ZPBP: variants seen among roughly 807,000 people sequenced by gnomAD.
ZPBP encodes zona pellucida binding protein.
ZPBP carries 26 observed loss-of-function variants against 44.8 expected under a neutral mutation model. The ratio of observed to expected loss-of-function variants is 0.58; its 90% CI spans 0.43 to 0.81. The LOEUF is 0.81. Ranked by LOEUF, ZPBP falls within the 30% of genes least tolerant of loss-of-function variation. The pLI is 0.00. For missense variants in ZPBP, 409 were observed against 434.0 expected (o/e 0.94, Z 0.51); for synonymous variants, 174 against 153.2 (o/e 1.14, Z -1.00).
intron 2 of ZPBP, among the ~76,000 whole-genome samples, chr7:49,858,390 T>C (rs1255806155): frequency 6.6e-6 from 1 of 151,936 alleles, no homozygotes; most frequent in Non-Finnish European, 1.5e-5. Context: ...AAAGGATGAG[T>C]TCATGTCCTT....
chr7:49,858,278 C>A (rs1790506344), intron 2 of ZPBP, among the ~76,000 whole-genome samples: 1 of 152,004 alleles, frequency 6.6e-6, no homozygotes, highest in African/African-American at 2.4e-5. Flanking sequence ...TGGCACTATT[C>A]ACAATAGCAA....
chr7:50,014,221 C>T (rs1279975576), intron 6 of ZPBP, among the ~76,000 whole-genome samples: 1 of 151,940 alleles, frequency 6.6e-6, no homozygotes. Flanking sequence ...CCAATCCTAA[C>T]CCAAGCAGTC....
chr7:49,981,622 T>TATTATATAATTA (rs1562820285), intron 7 of ZPBP, among the ~76,000 whole-genome samples: 2 of 9,534 alleles, frequency 2.1e-4, no homozygotes, highest in African/African-American at 1.0e-3. Flanking sequence ...TTATATTATA[T>TATTATATAATTA]TATATTATAT....
rs1421087190 is a variant in ZPBP at position 50,041,985 on chromosome 7, C to T, written c.488-10675G>A. ...CAGTTTAGAAAAAAACATAAATGAC[C>T]TGATGGAGCTAAAAACCACAGCATG... On this transcript the variant is annotated intron_variant, in intron 4 of 7. Coordinates refer to ENST00000046087, the MANE Select transcript of ZPBP (RefSeq NM_007009.3). 4.6e-5 allele frequency among the ~76,000 whole-genome samples: 7 copies of T among 152,064 alleles called. No individual in the cohort carries two copies. In the East Asian group the frequency reaches 1.2e-3, roughly 25 times the overall value.
At chr7:50,058,437 C>A (rs978815531) in intron 3 of ZPBP, among the ~76,000 whole-genome samples, 1 of 152,122 alleles carries the variant, frequency 6.6e-6, no homozygotes, top group Non-Finnish European at 1.5e-5. Context: ...GAACTGGGCA[C>A]TATCAGAAAT....
At chr7:49,862,722 A>G (rs1293009614) in intron 2 of ZPBP, among the ~76,000 whole-genome samples, 2 of 149,292 alleles carry the variant, frequency 1.3e-5, no homozygotes, top group Non-Finnish European at 1.5e-5. Flanking sequence ...TGAGATGACC[A>G]TGAGTTTTTT....
At chr7:49,854,085 G>A (rs1489343311) in intron 2 of ZPBP, among the ~76,000 whole-genome samples, 1 of 152,002 alleles carries the variant, frequency 6.6e-6, no homozygotes, top group Non-Finnish European at 1.5e-5. Flanking sequence ...TGGTGTATAT[G>A]TGCCACATTT....
chr7:49,901,959 G>T (rs1452527353), intron 1 of ZPBP, among the ~76,000 whole-genome samples: 1 of 151,750 alleles, frequency 6.6e-6, no homozygotes, highest in Non-Finnish European at 1.5e-5. Context: ...TTCAACGAAT[G>T]GTACTGGAAC....
At chr7:49,950,076 T>C (rs1795272403) in intron 7 of ZPBP, among the ~76,000 whole-genome samples, 1 of 151,934 alleles carries the variant, frequency 6.6e-6, no homozygotes, top group Non-Finnish European at 1.5e-5. Flanking sequence ...CTGTGTGTCA[T>C]AGCAAAAAAC....
chr7:49,908,111 G>A (rs1420837782), intron 1 of ZPBP, among the ~76,000 whole-genome samples: 1 of 152,224 alleles, frequency 6.6e-6, no homozygotes. Flanking sequence ...AGGGACCACT[G>A]TCTGTCATGT....
chr7:49,935,460 G>A (rs190453424), downstream of ZPBP, among the ~76,000 whole-genome samples: 8 of 152,062 alleles, frequency 5.3e-5, no homozygotes, highest in South Asian at 4.2e-4. Flanking sequence ...GTGCAGTGGC[G>A]TGATCTCAGC....
intron 6 of ZPBP, among the ~76,000 whole-genome samples, chr7:49,989,242 T>G (rs1032941076): frequency 6.6e-6 from 1 of 152,140 alleles, no homozygotes; most frequent in Admixed American, 6.5e-5. Flanking sequence ...GCCTCATACC[T>G]TGTGTACACA....
At position 49,983,504 on chromosome 7, in the gene ZPBP, CTA is replaced by C. The variant is rs1797120170; in HGVS notation, c.797_798del (p.Ile266ArgfsTer5). On this transcript the variant is annotated frameshift_variant, in exon 7 of 8. Transcript: ENST00000046087. LOFTEE classifies it high-confidence loss of function. ...TCTACTTGTTGATTAAAAAATCTCT[CTA>C]TGAGATTTTTAGCCTAAAACATAAA... ...YKRLFKAKNL[I>X]ERFFNQQVEI... 2 of 1,597,490 alleles carry C rather than the reference CTA, an allele frequency of 1.3e-6. No individual in the cohort carries two copies. The highest frequency in any genetic ancestry group is 1.3e-5 in the African/African-American group (1 of 74,438).
chr7:49,938,613 A>G (rs1404086961), intron 7 of ZPBP, among the ~76,000 whole-genome samples: 1 of 152,218 alleles, frequency 6.6e-6, no homozygotes, highest in African/African-American at 2.4e-5. Context: ...ACTCAGGAAC[A>G]CTGCCTCTAC....
chr7:50,052,886 G>A (rs1329102775), intron 4 of ZPBP, among the ~76,000 whole-genome samples: 2 of 152,118 alleles, frequency 1.3e-5, no homozygotes, highest in African/African-American at 2.4e-5. Flanking sequence ...CTTTTGAAAC[G>A]ACAATACAGA....
At chr7:50,042,046 AAATC>A (rs1356056972) in intron 4 of ZPBP, among the ~76,000 whole-genome samples, 1 of 152,174 alleles carries the variant, frequency 6.6e-6, no homozygotes, top group African/African-American at 2.4e-5. Flanking sequence ...ATCAATAGCC[AAATC>A]AATCAAGCAA....
At chr7:49,931,798 G>C (rs1417749519) in intron 1 of ZPBP, among the ~76,000 whole-genome samples, 1 of 152,174 alleles carries the variant, frequency 6.6e-6, no homozygotes, top group African/African-American at 2.4e-5. Flanking sequence ...CCCATCACAG[G>C]CCTGGAGGCC....
At chr7:49,850,107 G>A (rs1341105186), downstream of ZPBP, among the ~76,000 whole-genome samples, 1 of 152,134 alleles carries the variant, frequency 6.6e-6, no homozygotes, top group Non-Finnish European at 1.5e-5. Context: ...ACCAAGCCTA[G>A]CACATAGCAT....
At chr7:49,871,451 C>T (rs1053944191) in intron 2 of ZPBP, among the ~76,000 whole-genome samples, 4 of 152,070 alleles carry the variant, frequency 2.6e-5, no homozygotes, top group Non-Finnish European at 5.9e-5. Flanking sequence ...ATACTGTATA[C>T]ATTCATGAGC....
Sources: gnomAD v4.1 joint callset for allele counts (sites outside exome capture counted in the v4.1 genomes callset) on GRCh38, gnomAD v4.1.1 for gene constraint, MANE v1.5 for transcripts, NCBI Gene and HGNC (gene_info 2026-07-23, HGNC 2026-07-21) for gene names.